CMIP: variants seen among roughly 807,000 people sequenced by gnomAD.
CMIP encodes the protein C-Maf-inducing protein.
Under a neutral mutation model 97.3 loss-of-function variants are expected in CMIP, and 13 were observed. The observed-to-expected ratio is 0.13, with a 90% CI of 0.09 to 0.21. CMIP has a LOEUF of 0.21. Ranked by LOEUF, CMIP falls within the 10% of genes least tolerant of loss-of-function variation. CMIP has a pLI of 1.00. For missense variants in CMIP, 847 were observed against 1,024.9 expected (o/e 0.83, Z 2.37); for synonymous variants, 538 against 436.3 (o/e 1.23, Z -2.91).
chr16:81,589,061 T>G (rs906353436), intron 1 of CMIP, among the ~76,000 whole-genome samples: 1 of 152,116 alleles, frequency 6.6e-6, no homozygotes, highest in African/African-American at 2.4e-5. Flanking sequence ...GCTCAGAATA[T>G]TGTATTGCTT....
At chr16:81,455,026 A>C (rs1224813134) in intron 1 of CMIP, among the ~76,000 whole-genome samples, 1 of 152,216 alleles carries the variant, frequency 6.6e-6, no homozygotes, top group African/African-American at 2.4e-5. Context: ...TAGGAATTAA[A>C]GATAGAGGTG....
intron 2 of CMIP, among the ~76,000 whole-genome samples, chr16:81,610,882 G>T (rs2091820651): frequency 6.6e-6 from 1 of 152,086 alleles, no homozygotes; most frequent in African/African-American, 2.4e-5. Flanking sequence ...ACAACATACT[G>T]TATTAGATCC....
chr16:81,689,871 A>G (rs951543024), intron 10 of CMIP, among the ~76,000 whole-genome samples: 1 of 152,210 alleles, frequency 6.6e-6, no homozygotes, highest in Non-Finnish European at 1.5e-5. Flanking sequence ...CTTTCTACAT[A>G]TGGCTAGCCA....
At chr16:81,495,419 C>T (rs764453920) in intron 1 of CMIP, 16 of 1,596,198 alleles carry the variant, frequency 1.0e-5, no homozygotes, top group South Asian at 3.4e-5. Flanking sequence ...GCCGGGCTGC[C>T]GCTCTGTTTC....
At chr16:81,663,650 C>T (rs1049231878) in intron 6 of CMIP, among the ~76,000 whole-genome samples, 1 of 152,160 alleles carries the variant, frequency 6.6e-6, no homozygotes, top group South Asian at 2.1e-4. Flanking sequence ...AATGATGTGT[C>T]AGTGTGGGGT....
rs566925857 is a variant in CMIP at position 81,696,708 on chromosome 16, C to T, written c.1638+41C>T. On this transcript the variant is annotated intron_variant, in intron 14 of 20. Transcript: ENST00000537098. ...CCAGTGGGGTGACTTCCAGGGGTCC[C>T]TGGGCTTGCCATGCCTGACTAGTAA... 233 of 1,574,734 alleles carry T rather than the reference C, an allele frequency of 1.5e-4. 1 individual carries two copies. In the East Asian group the frequency reaches 4.7e-3, roughly 32 times the overall value.
At chr16:81,626,109 G>A (rs1219492235) in intron 3 of CMIP, among the ~76,000 whole-genome samples, 1 of 152,222 alleles carries the variant, frequency 6.6e-6, no homozygotes, top group African/African-American at 2.4e-5. Context: ...CCCTAGGGTG[G>A]CCACAGCCCC....
intron 3 of CMIP, chr16:81,645,406 G>A: frequency 1.4e-6 from 2 of 1,476,528 alleles, no homozygotes; most frequent in Non-Finnish European, 1.8e-6. Flanking sequence ...GAGCAGCAGA[G>A]CAGCAGCCCC....
Position 81,670,187 on chromosome 16 carries a change from A to G in CMIP, c.871A>G (p.Ile291Val). ...ACTGAGGCTGTTTACTCAGGAGTAC[A>G]TCCTTGCCTTGAACGAGCTCAACGC... is the stretch of plus-strand genomic sequence containing the variant. ...PRLRLFTQEYILALNELNAGM... is the reference protein window; with the variant it reads ...PRLRLFTQEYVLALNELNAGM... Residue 291 changes from isoleucine to valine, a missense_variant, in exon 8 of 21, where the codon ATC becomes GTC. Physicochemically the swap from Ile to Val is conservative, Grantham distance 29. Coordinates refer to ENST00000537098, the MANE Select transcript of CMIP (RefSeq NM_198390.3). 1 of 1,611,966 alleles carries G rather than the reference A, an allele frequency of 6.2e-7. No homozygotes were observed. Among genetic ancestry groups the G allele is most frequent in the Non-Finnish European group, 8.5e-7 (1 of 1,179,218 alleles).
chr16:81,476,447 A>T (rs1490522979), intron 1 of CMIP: 4 of 915,440 alleles, frequency 4.4e-6, no homozygotes, highest in Non-Finnish European at 7.2e-6. Flanking sequence ...TTGTTTGCAA[A>T]CAGCTCGAAG....
chr16:81,458,610 C>G (rs1429918947), intron 1 of CMIP, among the ~76,000 whole-genome samples: 2 of 152,208 alleles, frequency 1.3e-5, no homozygotes, highest in Non-Finnish European at 2.9e-5. Context: ...AACCCGCACA[C>G]TGTTTCCCCA....
intron 1 of CMIP, among the ~76,000 whole-genome samples, chr16:81,578,325 A>G (rs968032391): frequency 1.3e-5 from 2 of 152,254 alleles, no homozygotes; most frequent in Non-Finnish European, 2.9e-5. Context: ...ACTGCATATA[A>G]GGTCTCTTTC....
chr16:81,608,485 G>A (rs750618523), intron 2 of CMIP, among the ~76,000 whole-genome samples: 16 of 152,018 alleles, frequency 1.1e-4, no homozygotes, highest in African/African-American at 3.4e-4. Flanking sequence ...AAGAGTGAGC[G>A]CCCTTTTTCT....
At chr16:81,575,546 G>C (rs1397484196) in intron 1 of CMIP, among the ~76,000 whole-genome samples, 1 of 152,204 alleles carries the variant, frequency 6.6e-6, no homozygotes, top group Admixed American at 6.5e-5. Context: ...TCATCCATTA[G>C]TGCAGAGTAA....
At chr16:81,657,140 A>T (rs1441256861) in intron 4 of CMIP, among the ~76,000 whole-genome samples, 1 of 152,240 alleles carries the variant, frequency 6.6e-6, no homozygotes, top group Non-Finnish European at 1.5e-5. Context: ...TTATTTAAGA[A>T]AAGTCCAGAT....
At chr16:81,448,655 G>T (rs1000902760) in intron 1 of CMIP, among the ~76,000 whole-genome samples, 1 of 152,240 alleles carries the variant, frequency 6.6e-6, no homozygotes, top group Non-Finnish European at 1.5e-5. Flanking sequence ...AGCCAACAGC[G>T]TGCCTAATGT....
Position 81,572,767 on chromosome 16 carries a change from G to C in CMIP, c.301-34800G>C, listed in dbSNP as rs954719710. On this transcript the variant is annotated intron_variant, in intron 1 of 20. Coordinates refer to ENST00000537098, the MANE Select transcript of CMIP (RefSeq NM_198390.3). ...AGTGGCGCCAAGGTCCCTCAGGCTG[G>C]TTGTGAAATCAGTTTGAGTGCAGAA... 1.1e-4 allele frequency among the ~76,000 whole-genome samples: 16 copies of C among 152,278 alleles called. 1 individual carries two copies. The highest frequency in any genetic ancestry group is 3.4e-4 in the African/African-American group (14 of 41,582).
chr16:81,636,286 A>G (rs1018007935), intron 3 of CMIP, among the ~76,000 whole-genome samples: 5 of 152,190 alleles, frequency 3.3e-5, no homozygotes, highest in Non-Finnish European at 7.3e-5. Flanking sequence ...GTTCTCTTTA[A>G]GAATATGGGA....
intron 1 of CMIP, among the ~76,000 whole-genome samples, chr16:81,597,854 C>CT (rs1487053043): frequency 6.6e-6 from 1 of 152,060 alleles, no homozygotes; most frequent in Non-Finnish European, 1.5e-5. Flanking sequence ...GATCATCTGT[C>CT]TCCCCCCCAG....
Sources: allele counts gnomAD v4.1 joint callset (sites outside exome capture counted in the v4.1 genomes callset), GRCh38; gene constraint gnomAD v4.1.1; transcripts MANE v1.5; gene names NCBI Gene and HGNC (gene_info 2026-07-23, HGNC 2026-07-21).